The following MARK3 variants were observed in gnomAD, a reference collection of about 807,000 sequenced individuals.
MARK3 encodes the protein MAP/microtubule affinity-regulating kinase 3.
A neutral mutation model predicts 90.1 loss-of-function variants in MARK3; 46 were observed. The ratio of observed to expected loss-of-function variants is 0.51; its 90% CI spans 0.40 to 0.65. The LOEUF (loss-of-function observed/expected upper bound fraction) is 0.65, where lower values mean the gene tolerates loss of function less well. MARK3 is among the 30% of genes least tolerant of loss of function. MARK3 has a pLI of 0.00. For synonymous variants in MARK3, 321 were observed against 332.6 expected (o/e 0.97, Z 0.38); for missense variants, 818 against 947.2 (o/e 0.86, Z 1.79).
chr14:103,470,826 T>G (rs980853572), intron 12 of MARK3, among the ~76,000 whole-genome samples: 3 of 152,190 alleles, frequency 2.0e-5, no homozygotes, highest in Non-Finnish European at 4.4e-5. Flanking sequence ...CACTTAGGAC[T>G]GCACAGGGCA....
In MARK3 at chr14:103,446,673, G is replaced by C. The variant is rs192109899; in HGVS notation, c.298-2246G>C. Among the ~76,000 whole-genome samples the C allele has an allele frequency of 4.0e-5, 6 of 149,912 alleles. No individual in the cohort carries two copies. The East Asian group carries it at 1.2e-3, about 29-fold the overall frequency. ...TCATTCTCAGTGCTGTGTATCCTGAGCTATATTGATATGGCATCCAAAGTG... is the reference window on the plus strand; with the variant it reads ...TCATTCTCAGTGCTGTGTATCCTGACCTATATTGATATGGCATCCAAAGTG... On this transcript the variant is annotated intron_variant, in intron 3 of 17. Transcript: ENST00000429436.
At chr14:103,405,345 A>G in intron 2 of MARK3, 78 bp downstream of exon 2, 2 of 1,140,780 alleles carry the variant, frequency 1.8e-6, no homozygotes, top group Non-Finnish European at 2.4e-6. Flanking sequence ...AAGAATATAG[A>G]TATAGGCCTT....
At chr14:103,414,409 T>C (rs1415965226) in intron 2 of MARK3, among the ~76,000 whole-genome samples, 3 of 152,154 alleles carry the variant, frequency 2.0e-5, no homozygotes, top group Admixed American at 1.3e-4. Context: ...TTCTCCATGT[T>C]GGTCAGGCTG....
intron 16 of MARK3, 178 bp from the exon 17 acceptor site, chr14:103,499,978 G>A (rs911929892): frequency 3.2e-6 from 2 of 628,144 alleles, no homozygotes; most frequent in African/African-American, 3.6e-5. Flanking sequence ...GTGGAAGAAG[G>A]TAGCGCTGGC....
intron 4 of MARK3, among the ~76,000 whole-genome samples, chr14:103,451,161 C>T (rs1437937167): frequency 1.3e-5 from 2 of 151,660 alleles, no homozygotes; most frequent in African/African-American, 2.4e-5. Context: ...TCCAACTCCT[C>T]AGCAGAAACG....
intron 1 of MARK3, among the ~76,000 whole-genome samples, chr14:103,398,809 C>A (rs552192848): frequency 6.6e-5 from 10 of 152,204 alleles, no homozygotes; most frequent in Middle Eastern, 6.8e-3. Context: ...TGGAGGACAG[C>A]CATTTATTGT....
intron 7 of MARK3, among the ~76,000 whole-genome samples, chr14:103,464,967 A>T (rs1052983373): frequency 6.7e-6 from 1 of 150,332 alleles, no homozygotes; most frequent in Non-Finnish European, 1.5e-5. Context: ...GCCCCATATT[A>T]TTCTTGTTTT....
At chr14:103,404,167 A>C (rs2140661319) in intron 1 of MARK3, among the ~76,000 whole-genome samples, 2 of 152,352 alleles carry the variant, frequency 1.3e-5, no homozygotes, top group South Asian at 4.1e-4. Flanking sequence ...AGTAAATTAC[A>C]AAGCAGTTTA....
intron 1 of MARK3, among the ~76,000 whole-genome samples, chr14:103,402,487 G>A (rs2091022401): frequency 6.6e-6 from 1 of 151,778 alleles, no homozygotes; most frequent in East Asian, 1.9e-4. Context: ...GGGAGGCGGA[G>A]GTTGCAGTGA....
Position 103,469,022 on chromosome 14 carries a change from A to G in MARK3, c.1264+836A>G, listed in dbSNP as rs140943697. ...CTGCATTGGATTTACTTTGTAGAGT[A>G]GCACTGTCCAGTAGAACTTTCTGAG... On this transcript the variant is annotated intron_variant, in intron 12 of 17. Coordinates refer to ENST00000429436, the MANE Select transcript of MARK3 (RefSeq NM_001128918.3). Among the ~76,000 whole-genome samples the G allele has an allele frequency of 2.1e-3, 320 of 152,264 alleles. 1 individual carries two copies. Among genetic ancestry groups the G allele is most frequent in the Middle Eastern group, 6.8e-3 (2 of 294 alleles).
At chr14:103,493,396 A>C (rs2756137) in intron 15 of MARK3, among the ~76,000 whole-genome samples, 12 of 151,742 alleles carry the variant, frequency 7.9e-5, no homozygotes, top group African/African-American at 2.9e-4. Context: ...AGTCAGACGC[A>C]TCAGAAGGTT....
chr14:103,481,633 T>C lies in MARK3; in HGVS notation c.1586+1143T>C, dbSNP rs551320927. Among the ~76,000 whole-genome samples, 9 of 35,242 alleles carry C rather than the reference T, an allele frequency of 2.6e-4. No homozygotes were observed. The South Asian group carries it at 0.012, about 47-fold the overall frequency. 23.1% of individuals were successfully genotyped at this position (35,242 alleles called of 152,430 possible). A position where few individuals can be genotyped will look rare whatever the true frequency, so the allele number is the denominator to read the frequency against. On this transcript the variant is annotated intron_variant, in intron 14 of 17. Transcript: ENST00000429436. ...ATATTTACATTCTCTTGTTCTCTTT[T>C]ATGACTCGTGTGTGTGTGTGTGTGT...
chr14:103,417,463 T>C (rs2091996514), intron 2 of MARK3: 1 of 152,222 alleles, frequency 6.6e-6, no homozygotes, highest in Non-Finnish European at 1.5e-5. Context: ...TATAACCATG[T>C]AAGTAGCTTA....
At position 103,389,008 on chromosome 14, in the gene MARK3, CTTAT is replaced by C. The variant is rs555103184; in HGVS notation, c.51+2932_51+2935del. Among the ~76,000 whole-genome samples the C allele has an allele frequency of 5.3e-5, 8 of 152,046 alleles. No homozygotes were observed. The South Asian group carries it at 1.7e-3, about 31-fold the overall frequency. On this transcript the variant is annotated intron_variant, in intron 1 of 17. Transcript: ENST00000429436. ...TTTTTATTGTGCTTACCCCAGGAATCTTATTTAAATTTTAAGTAATTGTATATAA... is the reference window on the plus strand; with the variant it reads ...TTTTTATTGTGCTTACCCCAGGAATCTTAAATTTTAAGTAATTGTATATAA...
At chr14:103,426,222 TTG>T (rs1400885738) in intron 2 of MARK3, among the ~76,000 whole-genome samples, 4 of 152,158 alleles carry the variant, frequency 2.6e-5, no homozygotes, top group African/African-American at 9.7e-5. Flanking sequence ...AATATATTAT[TTG>T]TGTTATAATG....
intron 14 of MARK3, among the ~76,000 whole-genome samples, chr14:103,487,776 C>T (rs1421370426): frequency 2.6e-5 from 4 of 152,002 alleles, no homozygotes; most frequent in African/African-American, 4.8e-5. Context: ...TAGCCAGGCG[C>T]GGTGGCTCAC....
chr14:103,459,673 A>AT (rs67953960), intron 6 of MARK3, among the ~76,000 whole-genome samples: 49,272 of 147,488 alleles, frequency 0.33, 8,511 homozygotes, highest in East Asian at 0.49. Context: ...CTAATTTTTT[A>AT]TTTTTTTTTT....
chr14:103,415,415 A>C (rs2091902970), intron 2 of MARK3, among the ~76,000 whole-genome samples: 1 of 152,182 alleles, frequency 6.6e-6, no homozygotes. Flanking sequence ...TTTAAAATAC[A>C]TGTACCAGTT....
At chr14:103,495,394 G>T (rs1192287152) in intron 15 of MARK3, among the ~76,000 whole-genome samples, 1 of 151,932 alleles carries the variant, frequency 6.6e-6, no homozygotes, top group Non-Finnish European at 1.5e-5. Context: ...GCAAGAGGAT[G>T]GCTTGAACCC....
Sources: gnomAD v4.1 joint callset for allele counts (sites outside exome capture counted in the v4.1 genomes callset) on GRCh38, gnomAD v4.1.1 for gene constraint, MANE v1.5 for transcripts, NCBI Gene and HGNC (gene_info 2026-07-23, HGNC 2026-07-21) for gene names.